Variants in DPP10 observed in about 807,000 individuals in gnomAD.
DPP10 encodes the protein inactive dipeptidyl peptidase 10.
A neutral mutation model predicts 120.9 loss-of-function variants in DPP10; 33 were observed. The ratio of observed to expected loss-of-function variants is 0.27; its 90% confidence interval spans 0.21 to 0.37. DPP10 has a LOEUF of 0.37. DPP10 is among the 10% of genes least tolerant of loss of function. The pLI, the probability that DPP10 is intolerant of heterozygous loss-of-function variation, is 1.00. For synonymous variants in DPP10, 337 were observed against 326.1 expected (o/e 1.03, Z -0.36); for missense variants, 816 against 942.8 (o/e 0.87, Z 1.76).
chr2:115,384,599 GAGGAAGAAGAAGTGA>G lies in DPP10; in HGVS notation c.271+40700_271+40714del, dbSNP rs1468664730. On this transcript the variant is annotated intron_variant, in intron 3 of 25. Coordinates refer to ENST00000410059, the MANE Select transcript of DPP10 (RefSeq NM_020868.6). ...GAGGAAGAGGAGGAAAAGGAAGAAGGAGGAAGAAGAAGTGAAGGAAGAAGAAGAGGAAGAAGAAAG... is the reference window on the plus strand; with the variant it reads ...GAGGAAGAGGAGGAAAAGGAAGAAGGAGGAAGAAGAAGAGGAAGAAGAAAG... Among the ~76,000 whole-genome samples the G allele has an allele frequency of 5.0e-3, 727 of 145,650 alleles. 4 individuals carry two copies. The highest frequency in any genetic ancestry group is 0.017 in the African/African-American group (658 of 39,174).
At chr2:115,360,572 G>C (rs67092650) in intron 3 of DPP10, among the ~76,000 whole-genome samples, 29,702 of 151,838 alleles carry the variant, frequency 0.2, 3,257 homozygotes, top group East Asian at 0.36. Context: ...AGTGTTCCAG[G>C]TTGGAGGAGT....
chr2:114,994,724 G>A (rs1700968048), intron 1 of DPP10, among the ~76,000 whole-genome samples: 1 of 152,136 alleles, frequency 6.6e-6, no homozygotes, highest in Non-Finnish European at 1.5e-5. Flanking sequence ...GTCACACTAT[G>A]TGAAATGCTC....
intron 1 of DPP10, among the ~76,000 whole-genome samples, chr2:114,606,956 G>C (rs1692861553): frequency 6.6e-6 from 1 of 152,180 alleles, no homozygotes; most frequent in African/African-American, 2.4e-5. Flanking sequence ...GGATATTCAA[G>C]GAGAGAGTGC....
chr2:114,801,273 A>AAAG lies in DPP10; in HGVS notation c.60+358437_60+358438insGAA, dbSNP rs1684204187. 7.7e-5 allele frequency among the ~76,000 whole-genome samples: 6 copies of AAAG among 77,808 alleles called. 1 individual carries two copies. Among genetic ancestry groups the AAAG allele is most frequent in the Non-Finnish European group, 9.0e-5 (3 of 33,448 alleles). 51.0% of individuals were successfully genotyped at this position (77,808 alleles called of 152,430 possible). A position where few individuals can be genotyped will look rare whatever the true frequency, so the allele number is the denominator to read the frequency against. ...ACGAGACTCTGTATCAAAAAAAAAA[A>AAAG]AAAAAAGAAAAAAAGAAAGAAAGAA... On this transcript the variant is annotated intron_variant, in intron 1 of 25. Transcript: ENST00000410059.
intron 1 of DPP10, among the ~76,000 whole-genome samples, chr2:114,533,670 C>G (rs1249479054): frequency 6.6e-6 from 1 of 152,084 alleles, no homozygotes; most frequent in Non-Finnish European, 1.5e-5. Flanking sequence ...ATTTTTGAAT[C>G]TTGAATGTTT....
intron 1 of DPP10, among the ~76,000 whole-genome samples, chr2:114,780,058 C>T (rs2106190406): frequency 6.6e-6 from 1 of 152,108 alleles, no homozygotes; most frequent in Non-Finnish European, 1.5e-5. Flanking sequence ...ATGGTGTGAA[C>T]CCGGGAGGCG....
intron 1 of DPP10, among the ~76,000 whole-genome samples, chr2:114,717,759 A>T (rs1701447347): frequency 6.6e-6 from 1 of 152,194 alleles, no homozygotes; most frequent in South Asian, 2.1e-4. Flanking sequence ...TGAGTTTTAC[A>T]TAAAATAGTA....
At chr2:114,925,789 T>C (rs1003445961) in intron 1 of DPP10, among the ~76,000 whole-genome samples, 2 of 152,062 alleles carry the variant, frequency 1.3e-5, no homozygotes, top group Non-Finnish European at 2.9e-5. Flanking sequence ...AAATACTAAA[T>C]ATCTGTTTGG....
At chr2:114,721,892 C>T (rs544658707) in intron 1 of DPP10, among the ~76,000 whole-genome samples, 21 of 152,274 alleles carry the variant, frequency 1.4e-4, no homozygotes, top group Admixed American at 3.3e-4. Context: ...CCTATCTGGG[C>T]GACTTTTGGC....
intron 1 of DPP10, among the ~76,000 whole-genome samples, chr2:114,598,742 G>C (rs1037997414): frequency 6.6e-6 from 1 of 151,884 alleles, no homozygotes; most frequent in Admixed American, 6.6e-5. Flanking sequence ...GTCTTAGCTG[G>C]TTATTAGATC....
At chr2:114,666,458 A>C (rs998306440) in intron 1 of DPP10, among the ~76,000 whole-genome samples, 3 of 152,232 alleles carry the variant, frequency 2.0e-5, no homozygotes, top group Admixed American at 2.0e-4. Context: ...ATATGAAAAC[A>C]TGAAGACCTA....
At position 114,706,542 on chromosome 2, in the gene DPP10, A is replaced by G. The variant is rs1700697146; in HGVS notation, c.60+263704A>G. ...CTGCAATTTCTGCCTTCATCTTCAC[A>G]TGGCCTTTCCCTCTAGGTCTCTGTC... On this transcript the variant is annotated intron_variant, in intron 1 of 25. Coordinates refer to ENST00000410059, the MANE Select transcript of DPP10 (RefSeq NM_020868.6). Among the ~76,000 whole-genome samples, 3 of 152,124 alleles carry G rather than the reference A, an allele frequency of 2.0e-5. No individual in the cohort carries two copies. In the South Asian group the frequency reaches 6.2e-4, roughly 32 times the overall value.
intron 1 of DPP10, among the ~76,000 whole-genome samples, chr2:114,815,840 C>T (rs946512185): frequency 1.3e-5 from 2 of 150,908 alleles, no homozygotes; most frequent in Non-Finnish European, 2.9e-5. Flanking sequence ...GTTCAGCCAC[C>T]TGTTTTTTGT....
At chr2:115,216,757 C>T (rs2105384724) in intron 1 of DPP10, among the ~76,000 whole-genome samples, 1 of 152,038 alleles carries the variant, frequency 6.6e-6, no homozygotes, top group Non-Finnish European at 1.5e-5. Flanking sequence ...GGCACTCCAG[C>T]CTGGGCAATG....
At chr2:115,441,006 G>T (rs1005383502) in intron 3 of DPP10, 1 of 152,120 alleles carries the variant, frequency 6.6e-6, no homozygotes, top group Non-Finnish European at 1.5e-5. Context: ...GGGTCAATTG[G>T]AGTTTTTCCG....
At chr2:114,487,462 T>G (rs1233996974) in intron 1 of DPP10, among the ~76,000 whole-genome samples, 1 of 152,156 alleles carries the variant, frequency 6.6e-6, no homozygotes, top group African/African-American at 2.4e-5. Context: ...CAAGTAAAAA[T>G]TAAATCTGTT....
At chr2:115,252,199 C>T (rs1390317088) in intron 1 of DPP10, among the ~76,000 whole-genome samples, 7 of 152,120 alleles carry the variant, frequency 4.6e-5, no homozygotes, top group Non-Finnish European at 7.4e-5. Flanking sequence ...TAGATACTCT[C>T]GTGAATTTCA....
At chr2:115,014,444 C>A (rs112772780) in intron 1 of DPP10, among the ~76,000 whole-genome samples, 1 of 151,932 alleles carries the variant, frequency 6.6e-6, no homozygotes, top group Admixed American at 6.6e-5. Flanking sequence ...ACTAGAGAGA[C>A]AAGAGCAAAC....
At chr2:115,735,777 C>T (rs1288052000) in intron 8 of DPP10, among the ~76,000 whole-genome samples, 3 of 150,810 alleles carry the variant, frequency 2.0e-5, no homozygotes, top group Admixed American at 6.6e-5. Context: ...AGGTGATCCG[C>T]CCACCTCGGC....
Sources: allele counts gnomAD v4.1 joint callset (sites outside exome capture counted in the v4.1 genomes callset), GRCh38; gene constraint gnomAD v4.1.1; transcripts MANE v1.5; gene names NCBI Gene and HGNC (gene_info 2026-07-23, HGNC 2026-07-21).